The following COQ6 variants were observed in gnomAD, a reference collection of about 807,000 sequenced individuals.
COQ6 encodes ubiquinone biosynthesis monooxygenase COQ6, mitochondrial.
In COQ6, 45 loss-of-function variants were observed where a neutral mutation model predicts 55.5. The observed-to-expected ratio is 0.81, with a 90% CI of 0.64 to 1.04. COQ6 has a LOEUF of 1.04. Ranked by LOEUF, COQ6 falls within the 50% of genes least tolerant of loss-of-function variation. The pLI, the probability that COQ6 is intolerant of heterozygous loss-of-function variation, is 0.00. For missense variants in COQ6, 550 were observed against 601.3 expected (o/e 0.91, Z 0.89); for synonymous variants, 206 against 230.5 (o/e 0.89, Z 0.96).
rs1046771230 is a variant in COQ6, at chr14:73,963,502, G to C, written c.*503G>C. The C allele has an allele frequency of 8.0e-5, 14 of 174,916 alleles. No individual in the cohort carries two copies. In the East Asian group the frequency reaches 2.4e-3, roughly 29 times the overall value. The allele number at this position is 174,916 out of a possible 1,614,324, so 10.8% of individuals were successfully genotyped here. ...ACTGGACTTTCTGAAAGGAAAACCA[G>C]GTCTCATTAATGCTAGTTATTACTT... On this transcript the variant is annotated 3_prime_UTR_variant, in exon 12 of 12. Coordinates refer to ENST00000334571, the MANE Select transcript of COQ6 (RefSeq NM_182476.3).
intron 1 of COQ6, among the ~76,000 whole-genome samples, chr14:73,952,333 C>T (rs758650044): frequency 2.6e-5 from 4 of 151,358 alleles, no homozygotes; most frequent in Admixed American, 1.3e-4. Flanking sequence ...ATGTTGCCCA[C>T]GCTGGTCTTG....
At chr14:73,959,756 G>A (rs1048429335) in intron 8 of COQ6, 2 of 1,155,598 alleles carry the variant, frequency 1.7e-6, no homozygotes, top group Non-Finnish European at 1.2e-6. Flanking sequence ...TTTTAGTAGA[G>A]ATGAGGTTTC....
Position 73,961,351 on chromosome 14 carries a change from T to C in COQ6, c.1070T>C (p.Val357Ala), listed in dbSNP as rs749317276. Residue 357 changes from valine to alanine, a missense_variant, in exon 9 of 12, where the codon GTC becomes GCC. Val to Ala is a moderately conservative substitution (Grantham distance 64). Transcript: ENST00000334571. ...GGGTTGGGACATGCTGCTGAGTACG[T>C]CAGGCCTCGGGTGGCGCTCATTGGG... ...PLGLGHAAEY[V>A]RPRVALIGDA... 1 of 1,614,198 alleles carries C rather than the reference T, an allele frequency of 6.2e-7. No individual in the cohort carries two copies.
intron 1 of COQ6, chr14:73,950,711 T>G (rs923030386): frequency 3.0e-6 from 2 of 660,592 alleles, no homozygotes; most frequent in Non-Finnish European, 5.0e-6. Context: ...CAGAGTCTGT[T>G]CTACTCATGG....
rs1566696392 is a variant in COQ6, at chr14:73,963,113, T to A, written c.*114T>A. 1 of 939,260 alleles carries A rather than the reference T, an allele frequency of 1.1e-6. No homozygotes were observed. The highest frequency in any genetic ancestry group is 1.7e-5 in the African/African-American group (1 of 60,364). The allele number at this position is 939,260 out of a possible 1,614,324, so 58.2% of individuals were successfully genotyped here. On this transcript the variant is annotated 3_prime_UTR_variant, in exon 12 of 12. Transcript: ENST00000334571. ...TTAATAAACTTACTTTACATTAAAATTCTCTTTTTCTTCTTTGCTTAATGG... is the reference window on the plus strand; with the variant it reads ...TTAATAAACTTACTTTACATTAAAAATCTCTTTTTCTTCTTTGCTTAATGG...
In COQ6 at chr14:73,959,610, C is replaced by T. The variant is rs1161552486; in HGVS notation, c.891+88C>T. 3 of 1,599,136 alleles carry T rather than the reference C, an allele frequency of 1.9e-6. No individual in the cohort carries two copies. The African/African-American group carries it at 4.0e-5, about 21-fold the overall frequency. ...TTTTTTTTTTGAAACGGATCCTTGC[C>T]AGGCTGGAGCGCAGTGGCGCGATCT... On this transcript the variant is annotated intron_variant, in intron 8 of 11. Coordinates refer to ENST00000334571, the MANE Select transcript of COQ6 (RefSeq NM_182476.3).
At chr14:73,960,433 C>T (rs2056662564) in intron 8 of COQ6, 1 of 988,418 alleles carries the variant, frequency 1.0e-6, no homozygotes, top group Admixed American at 5.9e-5. Flanking sequence ...TCAAAGCCTG[C>T]TACCTTCACA....
intron 5 of COQ6, 43 bp from the exon 6 acceptor site, chr14:73,958,928 A>G (rs1268067502): frequency 1.9e-6 from 3 of 1,611,540 alleles, no homozygotes; most frequent in Admixed American, 1.7e-5. Flanking sequence ...GAAGCAGTTT[A>G]TGAAGAGGCT....
At chr14:73,956,061 A>T in intron 4 of COQ6, 133 bp downstream of exon 4, 3 of 1,335,430 alleles carry the variant, frequency 2.2e-6, no homozygotes, top group Admixed American at 1.7e-5. Context: ...GCGGTGGCTC[A>T]CGCCTGTAAT....
In COQ6 at chr14:73,956,100, G is replaced by A. The variant is rs112488013; in HGVS notation, c.481+172G>A. The A allele has an allele frequency of 7.2e-3, 5,548 of 766,990 alleles. 198 individuals carry two copies. The African/African-American group carries it at 0.084, about 12-fold the overall frequency. 47.5% of individuals were successfully genotyped at this position (766,990 alleles called of 1,614,324 possible). A position where few individuals can be genotyped will look rare whatever the true frequency, so the allele number is the denominator to read the frequency against. ...AGCACTTTTGGAGGCTAAGGCGGGC[G>A]GATCACGAGGTCAGGAGATGGAGAC... On this transcript the variant is annotated intron_variant, in intron 4 of 11. Transcript: ENST00000334571.
rs772101037 is a variant in COQ6 at position 73,961,362 on chromosome 14, G to A, written c.1081G>A (p.Val361Met). ...GHAAEYVRPR[V>M]ALIGDAAHRV... ...TGCTGCTGAGTACGTCAGGCCTCGG[G>A]TGGCGCTCATTGGGTAAGACGATAA... Residue 361 changes from valine (V) to methionine (M), a missense_variant, in exon 9 of 12, where the codon GTG becomes ATG. Coordinates refer to ENST00000334571, the MANE Select transcript of COQ6 (RefSeq NM_182476.3). 6.2e-7 allele frequency: 1 copy of A among 1,614,202 alleles called. No individual in the cohort carries two copies. Among genetic ancestry groups the A allele is most frequent in the South Asian group, 1.1e-5 (1 of 91,086 alleles).
At chr14:73,959,655 C>G in intron 8 of COQ6, 133 bp downstream of exon 8, 1 of 1,502,328 alleles carries the variant, frequency 6.7e-7, no homozygotes, top group Non-Finnish European at 9.0e-7. Context: ...GTGCAATCTC[C>G]GCCTCCCGGG....
intron 1 of COQ6, 162 bp downstream of exon 1, chr14:73,950,657 G>A (rs2056153254): frequency 2.6e-6 from 3 of 1,137,414 alleles, no homozygotes; most frequent in Admixed American, 5.4e-5. Context: ...CGGAATGCGT[G>A]TGGTCCTTCA....
chr14:73,955,687 C>A, intron 3 of COQ6, 118 bp from the exon 4 acceptor site: 1 of 1,508,460 alleles, frequency 6.6e-7, no homozygotes, highest in African/African-American at 1.4e-5. Context: ...TATTTTCCTA[C>A]CAGAGAGGCT....
Position 73,956,140 on chromosome 14 carries a change from T to C in COQ6, c.481+212T>C, listed in dbSNP as rs1972538. 90,189 of 517,960 alleles carry C rather than the reference T, an allele frequency of 0.17. 10,182 individuals are homozygous for C. Among genetic ancestry groups the C allele is most frequent in the East Asian group, 0.52 (12,579 of 24,180 alleles). The allele number at this position is 517,960 out of a possible 1,614,324, so 32.1% of individuals were successfully genotyped here. A position where few individuals can be genotyped will look rare whatever the true frequency, so the allele number is the denominator to read the frequency against. On this transcript the variant is annotated intron_variant, in intron 4 of 11. Coordinates refer to ENST00000334571, the MANE Select transcript of COQ6 (RefSeq NM_182476.3). The stretch of plus-strand genomic sequence containing the variant: ...GAGATGGAGACCATCCTGGCTAACA[T>C]GGTGAAACCCTGTCTCTACTAAAAA...
chr14:73,954,948 T>TTA (rs2056355717), intron 2 of COQ6, among the ~76,000 whole-genome samples: 1 of 134,698 alleles, frequency 7.4e-6, no homozygotes, highest in Admixed American at 7.9e-5. Flanking sequence ...TTTTTTTTTT[T>TTA]ATTTTATTTT....
intron 3 of COQ6, 77 bp from the exon 4 acceptor site, chr14:73,955,728 G>T: frequency 6.2e-7 from 1 of 1,601,318 alleles, no homozygotes. Flanking sequence ...TCTGTCACTT[G>T]GGAAAGCAAT....
intron 11 of COQ6, chr14:73,962,691 T>C: frequency 2.4e-6 from 1 of 413,896 alleles, no homozygotes; most frequent in African/African-American, 2.4e-5. Flanking sequence ...GGCTCACACC[T>C]GTAATCCCAG....
At chr14:73,960,353 A>G (rs2056657742) in intron 8 of COQ6, 1 of 986,914 alleles carries the variant, frequency 1.0e-6, no homozygotes, top group South Asian at 4.7e-5. Flanking sequence ...ACAAATACTA[A>G]TAATTCTGGA....
Sources: gnomAD v4.1 joint callset for allele counts (sites outside exome capture counted in the v4.1 genomes callset) on GRCh38, gnomAD v4.1.1 for gene constraint, MANE v1.5 for transcripts, NCBI Gene and HGNC (gene_info 2026-07-23, HGNC 2026-07-21) for gene names.